Variants in ABCA10 observed in about 807,000 individuals in gnomAD.
The protein encoded by ABCA10 is ATP binding cassette subfamily A member 10, also known as ATP-binding cassette sub-family A member 10.
ABCA10 carries 169 observed loss-of-function variants against 187.5 expected under a neutral mutation model. That is an observed-to-expected ratio of 0.90 (90% CI 0.80 to 1.02). The LOEUF is 1.02. ABCA10 is among the 50% of genes least tolerant of loss of function. The pLI, the probability that ABCA10 is intolerant of heterozygous loss-of-function variation, is 0.00. For missense variants in ABCA10, 1,727 were observed against 1,812.4 expected (o/e 0.95, Z 0.86); for synonymous variants, 574 against 601.8 (o/e 0.95, Z 0.68).
chr17:69,232,469 C>T (rs1055984787), upstream of ABCA10, among the ~76,000 whole-genome samples: 3 of 152,034 alleles, frequency 2.0e-5, no homozygotes, highest in Admixed American at 6.6e-5. Context: ...AATAACTTAA[C>T]TTTGATAGCA....
At position 69,188,334 on chromosome 17, in the gene ABCA10, C is replaced by T. The variant is rs145028495; in HGVS notation, c.2132-455G>A. On this transcript the variant is annotated intron_variant, in intron 18 of 38. Coordinates refer to ENST00000690296, the MANE Select transcript of ABCA10 (RefSeq NM_001377321.1). ...AAATGATGGAAAGTTCATGGAAAGG[C>T]CTCCTGTTTGAGTCCCACATATACC... 1.7e-3 allele frequency among the ~76,000 whole-genome samples: 252 copies of T among 152,092 alleles called. 4 individuals are homozygous for T. In the East Asian group the frequency reaches 0.042, roughly 25 times the overall value.
At chr17:69,189,863 C>T (rs1483955867) in intron 18 of ABCA10, among the ~76,000 whole-genome samples, 2 of 152,102 alleles carry the variant, frequency 1.3e-5, no homozygotes, top group Admixed American at 6.6e-5. Context: ...GGTTCTCTAA[C>T]TTGTTCCGTT....
chr17:69,221,722 G>T, intron 5 of ABCA10, 70 bp downstream of exon 5: 1 of 1,343,928 alleles, frequency 7.4e-7, no homozygotes, highest in Non-Finnish European at 1.0e-6. Flanking sequence ...GTAAGGTAGG[G>T]GATGAGGCAG....
intron 25 of ABCA10, among the ~76,000 whole-genome samples, chr17:69,165,747 A>C (rs2074249905): frequency 6.6e-6 from 1 of 152,150 alleles, no homozygotes; most frequent in Non-Finnish European, 1.5e-5. Context: ...GATTTTTTTC[A>C]ATAAATATGT....
At chr17:69,162,231 T>C (rs1443747486) in intron 27 of ABCA10, among the ~76,000 whole-genome samples, 1 of 152,216 alleles carries the variant, frequency 6.6e-6, no homozygotes, top group East Asian at 1.9e-4. Flanking sequence ...AATAACTGTT[T>C]ACAGGAAATA....
At chr17:69,216,455 G>A in intron 6 of ABCA10, 97 bp from the exon 7 acceptor site, 1 of 1,343,930 alleles carries the variant, frequency 7.4e-7, no homozygotes, top group Non-Finnish European at 1.0e-6. Context: ...CTGAAATCAG[G>A]ACTAAATTTA....
intron 1 of ABCA10, among the ~76,000 whole-genome samples, chr17:69,235,647 GC>G (rs1180322394): frequency 6.6e-6 from 1 of 152,016 alleles, no homozygotes; most frequent in Non-Finnish European, 1.5e-5. Flanking sequence ...AGCCTCTGCT[GC>G]CATCTGGTGG....
Position 69,154,025 on chromosome 17 carries a change from A to C in ABCA10, c.3787-16T>G, listed in dbSNP as rs1409282345. 1 of 1,608,928 alleles carries C rather than the reference A, an allele frequency of 6.2e-7. No individual in the cohort carries two copies. The highest frequency in any genetic ancestry group is 1.1e-5 in the South Asian group (1 of 90,350). On this transcript the variant is annotated splice_polypyrimidine_tract_variant and intron_variant, in intron 31 of 38. Transcript: ENST00000690296. ...GTAACACCACCTGCACAAGACAATG[A>C]ATGTCAGATTCACCTTTGGTTTTTG...
At chr17:69,221,366 T>C (rs2074746225) in intron 5 of ABCA10, among the ~76,000 whole-genome samples, 2 of 152,078 alleles carry the variant, frequency 1.3e-5, no homozygotes, top group South Asian at 4.2e-4. Context: ...AGAAGGAAGT[T>C]AGGGTAGTTG....
chr17:69,187,974 C>T, intron 18 of ABCA10, 95 bp from the exon 19 acceptor site: 1 of 1,144,920 alleles, frequency 8.7e-7, no homozygotes, highest in Non-Finnish European at 1.2e-6. Flanking sequence ...TGAAACAGCA[C>T]TTCCAACAAG....
intron 9 of ABCA10, among the ~76,000 whole-genome samples, chr17:69,203,462 A>G (rs2074563673): frequency 6.6e-6 from 1 of 152,180 alleles, no homozygotes; most frequent in Admixed American, 6.5e-5. Flanking sequence ...GAAACCAGTG[A>G]GCCATCCTCA....
At position 69,205,509 on chromosome 17, in the gene ABCA10, A is replaced by G. The variant is rs558178063; in HGVS notation, c.1007-3841T>C. On this transcript the variant is annotated intron_variant, in intron 9 of 38. Coordinates refer to ENST00000690296, the MANE Select transcript of ABCA10 (RefSeq NM_001377321.1). ...ATTCTAGGGAAACAAAACAGAATAA[A>G]CAATAAAATATTCAATTCTATTAAT... 2.6e-5 allele frequency among the ~76,000 whole-genome samples: 4 copies of G among 152,316 alleles called. No homozygotes were observed. In the East Asian group the frequency reaches 7.7e-4, roughly 29 times the overall value.
chr17:69,208,037 C>T (rs2074604493), intron 9 of ABCA10, among the ~76,000 whole-genome samples: 1 of 152,118 alleles, frequency 6.6e-6, no homozygotes, highest in Non-Finnish European at 1.5e-5. Context: ...GTAAATATAT[C>T]AAGTTTTTGG....
At chr17:69,193,087 G>T in intron 15 of ABCA10, 23 bp downstream of exon 15, 1 of 1,572,740 alleles carries the variant, frequency 6.4e-7, no homozygotes, top group Non-Finnish European at 8.6e-7. Flanking sequence ...ATAACTAGTT[G>T]GAATAAAGAA....
In ABCA10 at chr17:69,193,223, G is replaced by A. The variant is rs1226978418; in HGVS notation, c.1667C>T (p.Ala556Val). Residue 556 changes from alanine (A) to valine (V), a missense_variant, in exon 15 of 39, where the codon GCT becomes GTT. Transcript: ENST00000690296. ...PQVLLLDEPT[A>V]GLDPFSRHRV... ...GTGTCTTGAAAAGGGATCCAATCCA[G>A]CAGTTGGTTCATCTAGCAGCAAAAC... 1.9e-6 allele frequency: 3 copies of A among 1,613,696 alleles called. No individual in the cohort carries two copies. Among genetic ancestry groups the A allele is most frequent in the African/African-American group, 2.7e-5 (2 of 74,900 alleles).
intron 13 of ABCA10, 94 bp from the exon 14 acceptor site, chr17:69,193,706 G>A (rs564464324): frequency 2.7e-5 from 42 of 1,548,326 alleles, no homozygotes; most frequent in African/African-American, 7.0e-5. Flanking sequence ...CTAGAACTTC[G>A]TTGATTAAGC....
chr17:69,235,388 A>T (rs970800824), intron 1 of ABCA10, among the ~76,000 whole-genome samples: 1 of 152,130 alleles, frequency 6.6e-6, no homozygotes, highest in Admixed American at 6.5e-5. Context: ...GCCTTCTTTA[A>T]GTTTGTTGAA....
chr17:69,226,132 G>A (rs953141598), intron 2 of ABCA10, among the ~76,000 whole-genome samples: 1 of 152,042 alleles, frequency 6.6e-6, no homozygotes, highest in Non-Finnish European at 1.5e-5. Context: ...TAGTGGTAAT[G>A]TAGGGAACCA....
At chr17:69,148,984 T>G (rs374699596) in intron 38 of ABCA10, 49 bp downstream of exon 38, 114 of 1,613,148 alleles carry the variant, frequency 7.1e-5, no homozygotes, top group Non-Finnish European at 9.1e-5. Context: ...AAAGATGGAT[T>G]CACACAGAGG....
Sources: gnomAD v4.1 joint callset for allele counts (sites outside exome capture counted in the v4.1 genomes callset) on GRCh38, gnomAD v4.1.1 for gene constraint, MANE v1.5 for transcripts, NCBI Gene and HGNC (gene_info 2026-07-23, HGNC 2026-07-21) for gene names.